The following TFRC variants were observed in gnomAD, a reference collection of about 807,000 sequenced individuals.
The protein encoded by TFRC is transferrin receptor protein 1.
TFRC carries 35 observed loss-of-function variants against 85.8 expected under a neutral mutation model. The observed-to-expected ratio is 0.41, with a 90% CI of 0.31 to 0.54. The LOEUF (loss-of-function observed/expected upper bound fraction) is 0.54. Among genes scored for constraint, TFRC ranks in the 20% least tolerant of loss-of-function variants. The pLI, the probability that TFRC is intolerant of heterozygous loss-of-function variation, is 0.31. For synonymous variants in TFRC, 362 were observed against 328.6 expected, an observed-to-expected ratio of 1.10 and a Z score of -1.10; for missense variants, 828 against 921.5, an observed-to-expected ratio of 0.90 and a Z score of 1.31.
At chr3:196,058,508 T>C (rs571281664) in intron 15 of TFRC, 66 bp downstream of exon 15, 4 of 1,515,270 alleles carry the variant, frequency 2.6e-6, no homozygotes, top group African/African-American at 2.8e-5. Flanking sequence ...ATTTAGATTC[T>C]ACCTAATGTA....
chr3:196,063,272 A>G (rs1717436242), intron 11 of TFRC: 1 of 191,584 alleles, frequency 5.2e-6, no homozygotes, highest in Non-Finnish European at 1.1e-5. Flanking sequence ...GGACCCAGAG[A>G]TCATTGAAAA....
At chr3:196,065,250 G>A (rs1377186742) in intron 10 of TFRC, among the ~76,000 whole-genome samples, 193 bp downstream of exon 10, 7 of 124,904 alleles carry the variant, frequency 5.6e-5, no homozygotes, top group African/African-American at 8.3e-5. Context: ...CAACAAGAGT[G>A]AAACTCTTTC....
rs113045423 is a variant in TFRC, at chr3:196,071,765, G to A, written c.584+238C>T. On this transcript the variant is annotated intron_variant, in intron 5 of 18. Coordinates refer to ENST00000360110, the MANE Select transcript of TFRC (RefSeq NM_001128148.3). ...CTAAAAATACAAAAATTAGCTGGGCGTGGTGGCGTGCGCCTGTAATCCCAG... is the reference window on the plus strand; with the variant it reads ...CTAAAAATACAAAAATTAGCTGGGCATGGTGGCGTGCGCCTGTAATCCCAG... 3.3e-3 allele frequency among the ~76,000 whole-genome samples: 503 copies of A among 152,320 alleles called. 4 individuals carry two copies. The highest frequency in any genetic ancestry group is 0.011 in the African/African-American group (470 of 41,574).
Position 196,064,333 on chromosome 3 carries a change from T to C in TFRC, c.1294A>G (p.Met432Val). Residue 432 changes from methionine (M) to valine (V), a missense_variant, in exon 11 of 19, where the codon ATG becomes GTG. Physicochemically the swap from Met to Val is conservative, Grantham distance 21. Coordinates refer to ENST00000360110, the MANE Select transcript of TFRC (RefSeq NM_001128148.3). ...GTALLLKLAQMFSDMVLKDGF... is the reference protein window; with the variant it reads ...GTALLLKLAQVFSDMVLKDGF... ...CCTTTTAAGACCATATCTGAGAACA[T>C]CTGGGCAAGTTTCAATAGGAGAGCT... The C allele has an allele frequency of 6.2e-7, 1 of 1,612,604 alleles. No homozygotes were observed. Among genetic ancestry groups the C allele is most frequent in the Non-Finnish European group, 8.5e-7 (1 of 1,179,596 alleles).
intron 14 of TFRC, among the ~76,000 whole-genome samples, chr3:196,059,129 C>T (rs1246060834): frequency 6.6e-6 from 1 of 152,140 alleles, no homozygotes; most frequent in Non-Finnish European, 1.5e-5. Context: ...TCCTGGCCAA[C>T]ATGGTGAAAC....
chr3:196,077,353 T>A (rs1718792960), intron 1 of TFRC, among the ~76,000 whole-genome samples: 1 of 152,062 alleles, frequency 6.6e-6, no homozygotes, highest in Non-Finnish European at 1.5e-5. Flanking sequence ...TCACCCTATG[T>A]TGCCCAGGCT....
chr3:196,075,069 A>G, intron 3 of TFRC, 90 bp downstream of exon 3: 1 of 967,190 alleles, frequency 1.0e-6, no homozygotes, highest in Non-Finnish European at 1.5e-6. Flanking sequence ...AAAAAAAATA[A>G]GGTACAAAAT....
At chr3:196,052,289 A>AT in intron 18 of TFRC, 105 bp from the exon 19 acceptor site, 11 of 1,018,594 alleles carry the variant, frequency 1.1e-5, no homozygotes, top group Non-Finnish European at 1.2e-5. Context: ...AATGCCGATC[A>AT]GACTTTTTTT....
intron 13 of TFRC, among the ~76,000 whole-genome samples, chr3:196,061,770 T>A (rs780876052): frequency 2.0e-5 from 3 of 152,204 alleles, no homozygotes; most frequent in Admixed American, 6.5e-5. Flanking sequence ...ATTACAGGCG[T>A]GCACCACTGC....
intron 1 of TFRC, among the ~76,000 whole-genome samples, chr3:196,079,741 A>G (rs1325977512): frequency 6.6e-6 from 1 of 152,234 alleles, no homozygotes; most frequent in Non-Finnish European, 1.5e-5. Flanking sequence ...ACGTAGCCCC[A>G]CGTTTTGAAC....
intron 16 of TFRC, among the ~76,000 whole-genome samples, chr3:196,057,370 C>A (rs910667074): frequency 6.6e-6 from 1 of 152,090 alleles, no homozygotes; most frequent in East Asian, 1.9e-4. Context: ...TGATCACGAC[C>A]CTCTCACGCA....
Position 196,068,119 on chromosome 3 carries a change from A to C in TFRC, c.813T>G (p.Ala271=), listed in dbSNP as rs978203106. 1 of 1,611,312 alleles carries C rather than the reference A, an allele frequency of 6.2e-7. No homozygotes were observed. The highest frequency in any genetic ancestry group is 8.5e-7 in the Non-Finnish European group (1 of 1,179,010). The change falls in exon 8 of 19, where the codon GCT becomes GCG. Residue 271 remains alanine (A), a synonymous_variant. Coordinates refer to ENST00000360110, the MANE Select transcript of TFRC (RefSeq NM_001128148.3). ...KITFAEKVAN[A]ESLNAIGVLI... is the part of the protein sequence containing the mutation. ...ACACACCAATTGCATTTAAGCTTTCAGCATTTGCAACCTAAAAGAAAACAT... is the reference window on the plus strand; with the variant it reads ...ACACACCAATTGCATTTAAGCTTTCCGCATTTGCAACCTAAAAGAAAACAT...
intron 1 of TFRC, among the ~76,000 whole-genome samples, chr3:196,078,777 CT>C (rs551415213): frequency 2.2e-4 from 32 of 147,868 alleles, no homozygotes; most frequent in Admixed American, 3.4e-4. Context: ...GAAGCATAAT[CT>C]TTTTTTTTTT....
In TFRC at chr3:196,062,659, G is replaced by C; in HGVS notation, c.1405-14C>G. 1 of 1,597,818 alleles carries C rather than the reference G, an allele frequency of 6.3e-7. No individual in the cohort carries two copies. The highest frequency in any genetic ancestry group is 2.2e-5 in the East Asian group (1 of 44,804). On this transcript the variant is annotated splice_polypyrimidine_tract_variant and intron_variant, in intron 12 of 18. Transcript: ENST00000360110. ...CGAAAGGTATCCCTAGAAGAGAAGGGAAAACACTAATAAGTATAAATCTGT... is the reference window on the plus strand; with the variant it reads ...CGAAAGGTATCCCTAGAAGAGAAGGCAAAACACTAATAAGTATAAATCTGT...
Position 196,075,361 on chromosome 3 carries a change from CTG to C in TFRC, c.37-3_37-2del. ...TATATGACAATGGTTCTCCACCAAA[CTG>C]TGTTGCGGAAAAAGGCATGATGAAG... On this transcript the variant is annotated splice_acceptor_variant and splice_polypyrimidine_tract_variant and intron_variant, in intron 2 of 18. Coordinates refer to ENST00000360110, the MANE Select transcript of TFRC (RefSeq NM_001128148.3). LOFTEE classifies it high-confidence loss of function. 6.2e-7 allele frequency: 1 copy of C among 1,614,054 alleles called. No homozygotes were observed. Among genetic ancestry groups the C allele is most frequent in the Non-Finnish European group, 8.5e-7 (1 of 1,179,968 alleles).
rs764959108 is a variant in TFRC at position 196,067,550 on chromosome 3, T to A, written c.1008A>T (p.Thr336=). ...SSGLPNIPVQ[T]ISRAAAEKLF... ...GCTTTTCTGCAGCAGCTCTGGAGAT[T>A]GTCTGGACAGGTATATTAGGCAATC... is the stretch of plus-strand genomic sequence containing the variant. The change falls in exon 9 of 19, where the codon ACA becomes ACT. Residue 336 remains threonine (T), a synonymous_variant. Coordinates refer to ENST00000360110, the MANE Select transcript of TFRC (RefSeq NM_001128148.3). The A allele has an allele frequency of 3.1e-6, 5 of 1,614,110 alleles. No individual in the cohort carries two copies. In the Admixed American group the frequency reaches 6.7e-5, roughly 22 times the overall value.
At chr3:196,068,610 CAAAAAAAAAAAAA>C (rs55807772) in intron 7 of TFRC, among the ~76,000 whole-genome samples, 13 of 41,836 alleles carry the variant, frequency 3.1e-4, no homozygotes, top group Admixed American at 1.2e-3. Flanking sequence ...AACTCCCTCT[CAAAAAAAAAAAAA>C]AAAAAAAAAA....
chr3:196,074,363 C>T (rs1333705413), intron 3 of TFRC: 6 of 341,394 alleles, frequency 1.8e-5, no homozygotes, highest in Non-Finnish European at 3.2e-5. Flanking sequence ...CAAAAGACCC[C>T]CTTGAAACAT....
intron 13 of TFRC, chr3:196,062,306 C>T (rs752579345): frequency 2.7e-6 from 1 of 372,080 alleles, no homozygotes; most frequent in Non-Finnish European, 4.9e-6. Context: ...CCGAGGCAGG[C>T]AGATCGCCTG....
Sources: gnomAD v4.1 joint callset for allele counts (sites outside exome capture counted in the v4.1 genomes callset) on GRCh38, gnomAD v4.1.1 for gene constraint, MANE v1.5 for transcripts, NCBI Gene and HGNC (gene_info 2026-07-23, HGNC 2026-07-21) for gene names.